Variants in RNF8 observed in about 807,000 individuals in gnomAD.
The protein encoded by RNF8 is E3 ubiquitin-protein ligase RNF8.
A neutral mutation model predicts 59.3 loss-of-function variants in RNF8; 8 were observed. That is an observed-to-expected ratio of 0.13 (90% CI 0.08 to 0.24). The LOEUF (loss-of-function observed/expected upper bound fraction) is 0.24. Ranked by LOEUF, RNF8 falls within the 10% of genes least tolerant of loss-of-function variation. The pLI, the probability that RNF8 is intolerant of heterozygous loss-of-function variation, is 1.00. For missense variants in RNF8, 406 were observed against 572.6 expected (o/e 0.71, Z 2.97); for synonymous variants, 162 against 200.0 (o/e 0.81, Z 1.60).
intron 6 of RNF8, among the ~76,000 whole-genome samples, chr6:37,380,208 G>A (rs1024219796): frequency 2.6e-5 from 4 of 152,160 alleles, no homozygotes; most frequent in African/African-American, 7.2e-5. Flanking sequence ...AAGCATTCAC[G>A]CACTTAATAG....
chr6:37,377,525 T>C (rs1300634797), intron 6 of RNF8, among the ~76,000 whole-genome samples: 2 of 152,206 alleles, frequency 1.3e-5, no homozygotes, highest in African/African-American at 2.4e-5. Context: ...CTCTTATTTG[T>C]TTTTATAATC....
chr6:37,377,061 CTTTTTTTTT>C (rs35985063), intron 6 of RNF8, 28 bp downstream of exon 6: 456 of 257,924 alleles, frequency 1.8e-3, no homozygotes, highest in East Asian at 0.012. Flanking sequence ...CTCACCCCTT[CTTTTTTTTT>C]TTTTTTTTTT....
chr6:37,384,306 C>T (rs1392354151), intron 7 of RNF8, among the ~76,000 whole-genome samples: 2 of 151,938 alleles, frequency 1.3e-5, no homozygotes, highest in East Asian at 3.9e-4. Flanking sequence ...ACGCCCAGCT[C>T]ATGTTTGCAT....
chr6:37,369,260 G>T, intron 3 of RNF8, 42 bp downstream of exon 3: 1 of 1,533,874 alleles, frequency 6.5e-7, no homozygotes, highest in Non-Finnish European at 8.7e-7. Flanking sequence ...CTTCAGGGGT[G>T]GGGCAGGCAC....
intron 7 of RNF8, among the ~76,000 whole-genome samples, chr6:37,388,095 T>C (rs1174036678): frequency 6.6e-6 from 1 of 152,100 alleles, no homozygotes; most frequent in Non-Finnish European, 1.5e-5. Flanking sequence ...AGAGACGACA[T>C]GGTGCTGGGA....
rs1335767614 is a variant in RNF8 at position 37,391,374 on chromosome 6, C to T, written c.*616C>T. 2 of 153,084 alleles carry T rather than the reference C, an allele frequency of 1.3e-5. No individual in the cohort carries two copies. Among genetic ancestry groups the T allele is most frequent in the Non-Finnish European group, 2.9e-5 (2 of 68,690 alleles). The allele number at this position is 153,084 out of a possible 1,614,324, so 9.5% of individuals were successfully genotyped here. The stretch of plus-strand genomic sequence containing the variant: ...TGATAGACTTCAAGTGAATGTCAGC[C>T]TAAGAGGCCAAGCTGCAGATCGTGG... On this transcript the variant is annotated 3_prime_UTR_variant, in exon 8 of 8. Coordinates refer to ENST00000373479, the MANE Select transcript of RNF8 (RefSeq NM_003958.4).
At chr6:37,366,614 G>A (rs184634589) in intron 2 of RNF8, among the ~76,000 whole-genome samples, 3 of 152,324 alleles carry the variant, frequency 2.0e-5, no homozygotes, top group East Asian at 3.9e-4. Context: ...AGGGCCTAAT[G>A]CCAAACCAGA....
rs1364183798 is a variant in RNF8, at chr6:37,393,404, A to C, written c.*2646A>C. 1 of 152,240 alleles carries C rather than the reference A, an allele frequency of 6.6e-6. No homozygotes were observed. The highest frequency in any genetic ancestry group is 1.5e-5 in the Non-Finnish European group (1 of 68,044). The allele number at this position is 152,240 out of a possible 1,614,324, so 9.4% of individuals were successfully genotyped here. On this transcript the variant is annotated 3_prime_UTR_variant, in exon 8 of 8. Coordinates refer to ENST00000373479, the MANE Select transcript of RNF8 (RefSeq NM_003958.4). ...TACAGAATGTTCTTTCCTTGGAGAG[A>C]TATCTGATATTAAACATCATCTGCA...
At chr6:37,389,838 GGCT>G (rs1407664322) in intron 7 of RNF8, among the ~76,000 whole-genome samples, 2 of 152,262 alleles carry the variant, frequency 1.3e-5, no homozygotes, top group East Asian at 3.9e-4. Context: ...CTCTCTCCAA[GGCT>G]GAGGGCATGC....
chr6:37,385,939 A>G (rs1770476578), intron 7 of RNF8, among the ~76,000 whole-genome samples: 1 of 150,988 alleles, frequency 6.6e-6, no homozygotes, highest in Non-Finnish European at 1.5e-5. Context: ...GGCTCAGGTA[A>G]TCCTCTTACC....
intron 7 of RNF8, among the ~76,000 whole-genome samples, chr6:37,382,717 T>C (rs1770324996): frequency 6.6e-6 from 1 of 152,132 alleles, no homozygotes; most frequent in South Asian, 2.1e-4. Flanking sequence ...CGGTGGCTCA[T>C]GCCTGTAATC....
intron 7 of RNF8, among the ~76,000 whole-genome samples, chr6:37,389,373 G>A (rs1191045122): frequency 1.3e-5 from 2 of 151,666 alleles, no homozygotes; most frequent in African/African-American, 4.9e-5. Flanking sequence ...GTGAGTATGA[G>A]GTGAGGAAGT....
chr6:37,374,746 G>C, intron 5 of RNF8, 37 bp downstream of exon 5: 1 of 1,498,884 alleles, frequency 6.7e-7, no homozygotes, highest in East Asian at 2.3e-5. Context: ...AATTTGGTTA[G>C]TGCATGCAAC....
rs186400508 is a variant in RNF8, at chr6:37,384,992, A to G, written c.1441+3638A>G. Among the ~76,000 whole-genome samples, 472 of 152,106 alleles carry G rather than the reference A, an allele frequency of 3.1e-3. 1 individual carries two copies. The highest frequency in any genetic ancestry group is 4.9e-3 in the Non-Finnish European group (336 of 67,994). Reference sequence around the variant, plus strand: ...GGAGTGTCCACATGCTTGTACTCAGATAGTATATAACACTGTATTCTTAAG... The same window carrying G: ...GGAGTGTCCACATGCTTGTACTCAGGTAGTATATAACACTGTATTCTTAAG... On this transcript the variant is annotated intron_variant, in intron 7 of 7. Transcript: ENST00000373479.
intron 2 of RNF8, among the ~76,000 whole-genome samples, chr6:37,366,091 C>G (rs73423695): frequency 0.029 from 4,412 of 152,276 alleles, 183 homozygotes; most frequent in East Asian, 0.09. Flanking sequence ...TGCAACATAT[C>G]GTGAAAGTTT....
intron 1 of RNF8, 99 bp downstream of exon 1, chr6:37,354,374 G>C: frequency 1.1e-6 from 1 of 932,058 alleles, no homozygotes; most frequent in South Asian, 1.7e-5. Context: ...ATGAATGGCA[G>C]AGAGGAGGCG....
intron 2 of RNF8, chr6:37,361,172 A>G (rs1206406865): frequency 2.2e-6 from 1 of 446,516 alleles, no homozygotes; most frequent in Non-Finnish European, 4.5e-6. Context: ...AGCAATTAGA[A>G]AGTACCTAAT....
At position 37,354,107 on chromosome 6, in the gene RNF8, G is replaced by A; in HGVS notation, c.-58G>A. On this transcript the variant is annotated 5_prime_UTR_variant, in exon 1 of 8. Transcript: ENST00000373479. ...GAAGCTGAGGGGATGCACAGAGGCA[G>A]CCAGAACCTAGGTCAGGGTCTCGCT... 1 of 1,423,508 alleles carries A rather than the reference G, an allele frequency of 7.0e-7. No homozygotes were observed. Among genetic ancestry groups the A allele is most frequent in the Non-Finnish European group, 9.7e-7 (1 of 1,030,520 alleles). 88.2% of individuals were successfully genotyped at this position (1,423,508 alleles called of 1,614,324 possible).
chr6:37,373,508 G>A (rs1769890103), intron 4 of RNF8, among the ~76,000 whole-genome samples: 1 of 152,192 alleles, frequency 6.6e-6, no homozygotes, highest in African/African-American at 2.4e-5. Flanking sequence ...CTGGGCTCAA[G>A]TGATCCTCCC....
Sources: allele counts gnomAD v4.1 joint callset (sites outside exome capture counted in the v4.1 genomes callset), GRCh38; gene constraint gnomAD v4.1.1; transcripts MANE v1.5; gene names NCBI Gene and HGNC (gene_info 2026-07-23, HGNC 2026-07-21).